MAP2: variants seen among roughly 807,000 people sequenced by gnomAD.
MAP2 encodes microtubule associated protein 2, also known as microtubule-associated protein 2.
Under a neutral mutation model 137.6 loss-of-function variants are expected in MAP2, and 14 were observed. That is an observed-to-expected ratio of 0.10 (90% CI 0.07 to 0.16). The LOEUF is 0.16. Ranked by LOEUF, MAP2 falls within the 10% of genes least tolerant of loss-of-function variation. MAP2 has a pLI of 1.00. For synonymous variants in MAP2, 786 were observed against 782.3 expected, an observed-to-expected ratio of 1.00 and a Z score of -0.08; for missense variants, 2,088 against 2,191.5, an observed-to-expected ratio of 0.95 and a Z score of 0.94.
At chr2:209,673,927 A>G (rs2050050790) in intron 5 of MAP2, among the ~76,000 whole-genome samples, 1 of 151,832 alleles carries the variant, frequency 6.6e-6, no homozygotes, top group Non-Finnish European at 1.5e-5. Context: ...TGTCTTCAGA[A>G]TTAGACAGGA....
chr2:209,727,908 AATAC>A (rs1315699038), intron 14 of MAP2, among the ~76,000 whole-genome samples: 1 of 152,130 alleles, frequency 6.6e-6, no homozygotes, highest in Non-Finnish European at 1.5e-5. Flanking sequence ...TTGGGTCAAT[AATAC>A]ATTATTATTT....
At chr2:209,520,315 A>G (rs1387991660) in intron 2 of MAP2, among the ~76,000 whole-genome samples, 1 of 152,090 alleles carries the variant, frequency 6.6e-6, no homozygotes, top group East Asian at 1.9e-4. Flanking sequence ...AGCTAAATCC[A>G]TATGCTCTAA....
intron 12 of MAP2, 61 bp downstream of exon 12, chr2:209,705,788 G>A: frequency 7.9e-7 from 1 of 1,264,774 alleles, no homozygotes; most frequent in Non-Finnish European, 1.1e-6. Flanking sequence ...AAGTGGAATA[G>A]CACTTATATT....
Position 209,484,592 on chromosome 2 carries a change from AG to A in MAP2, c.-221-22998del, listed in dbSNP as rs1292543202. Among the ~76,000 whole-genome samples, 10 of 152,280 alleles carry A rather than the reference AG, an allele frequency of 6.6e-5. 1 individual carries two copies. The South Asian group carries it at 2.1e-3, about 32-fold the overall frequency. The stretch of plus-strand genomic sequence containing the variant: ...GTATTCCCAGCTACTCGGGAGGCTG[AG>A]GCAGGAGAATCGCTTGAACCCGGGA... On this transcript the variant is annotated intron_variant, in intron 1 of 15. Transcript: ENST00000682079.
At chr2:209,470,295 G>T (rs961018659) in intron 1 of MAP2, among the ~76,000 whole-genome samples, 9 of 152,058 alleles carry the variant, frequency 5.9e-5, no homozygotes, top group Admixed American at 2.0e-4. Context: ...TGTTTTAAAA[G>T]TGGTTTTACA....
intron 11 of MAP2, among the ~76,000 whole-genome samples, chr2:209,704,893 TAACAA>T (rs2062913973): frequency 6.6e-6 from 1 of 150,866 alleles, no homozygotes; most frequent in Non-Finnish European, 1.5e-5. Flanking sequence ...AAATGCAAAC[TAACAA>T]AACAAAATAT....
chr2:209,527,436 A>G (rs1163485436), intron 2 of MAP2, among the ~76,000 whole-genome samples: 1 of 151,950 alleles, frequency 6.6e-6, no homozygotes, highest in Non-Finnish European at 1.5e-5. Flanking sequence ...TTTAGTCACT[A>G]TTTTCACGCA....
At chr2:209,502,049 A>T (rs1375055339) in intron 1 of MAP2, among the ~76,000 whole-genome samples, 1 of 152,170 alleles carries the variant, frequency 6.6e-6, no homozygotes, top group Non-Finnish European at 1.5e-5. Flanking sequence ...TGATTACTAG[A>T]GTGAAGCAAA....
chr2:209,514,296 G>A (rs2062150695), intron 2 of MAP2, among the ~76,000 whole-genome samples: 1 of 151,748 alleles, frequency 6.6e-6, no homozygotes, highest in Non-Finnish European at 1.5e-5. Flanking sequence ...AATAATTATT[G>A]CAGCTTCAAA....
At chr2:209,442,675 G>C (rs1222825296) in intron 1 of MAP2, among the ~76,000 whole-genome samples, 1 of 151,574 alleles carries the variant, frequency 6.6e-6, no homozygotes, top group Non-Finnish European at 1.5e-5. Flanking sequence ...AATCTTCCCT[G>C]AGAGTCAGGC....
chr2:209,468,960 A>G (rs1704927031), intron 1 of MAP2, among the ~76,000 whole-genome samples: 1 of 152,166 alleles, frequency 6.6e-6, no homozygotes, highest in Non-Finnish European at 1.5e-5. Flanking sequence ...AGCTTCCAGG[A>G]TAACATCCAA....
At chr2:209,531,737 CCT>C (rs1463073394) in intron 2 of MAP2, among the ~76,000 whole-genome samples, 1 of 152,022 alleles carries the variant, frequency 6.6e-6, no homozygotes, top group African/African-American at 2.4e-5. Flanking sequence ...ACAGGCAATT[CCT>C]CTTTCTATTT....
intron 13 of MAP2, chr2:209,723,694 A>G (rs776426987): frequency 5.0e-6 from 8 of 1,609,010 alleles, no homozygotes; most frequent in South Asian, 1.1e-5. Flanking sequence ...AAATGTAAGT[A>G]GAAGCGCCTT....
chr2:209,461,355 A>G (rs1449921642), intron 1 of MAP2, among the ~76,000 whole-genome samples: 1 of 152,254 alleles, frequency 6.6e-6, no homozygotes, highest in Non-Finnish European at 1.5e-5. Context: ...CAACCATGCC[A>G]GACAGTATGG....
intron 13 of MAP2, chr2:209,721,890 A>G (rs1191749302): frequency 6.6e-6 from 1 of 152,210 alleles, no homozygotes; most frequent in Admixed American, 6.5e-5. Flanking sequence ...AGAATCCTTT[A>G]AAGTATTATT....
intron 2 of MAP2, among the ~76,000 whole-genome samples, chr2:209,562,429 G>A: frequency 6.6e-6 from 1 of 151,920 alleles, no homozygotes. Flanking sequence ...AGGCACGCTG[G>A]CTTACGTCTG....
intron 1 of MAP2, among the ~76,000 whole-genome samples, chr2:209,425,068 G>C (rs1161385698): frequency 2.6e-5 from 4 of 151,970 alleles, no homozygotes; most frequent in Non-Finnish European, 5.9e-5. Context: ...AAGAGTGTGT[G>C]GGGGGCTAGG....
intron 1 of MAP2, among the ~76,000 whole-genome samples, chr2:209,498,898 G>A (rs2060061578): frequency 6.6e-6 from 1 of 152,160 alleles, no homozygotes; most frequent in Non-Finnish European, 1.5e-5. Context: ...TCTCTGAAAT[G>A]CCTTCAAGGC....
At chr2:209,583,691 G>A (rs1019448931) in intron 3 of MAP2, among the ~76,000 whole-genome samples, 8 of 151,874 alleles carry the variant, frequency 5.3e-5, no homozygotes, top group South Asian at 2.1e-4. Flanking sequence ...GAACATTTCC[G>A]GAGCTCAGTT....
Sources: allele counts gnomAD v4.1 joint callset (sites outside exome capture counted in the v4.1 genomes callset), GRCh38; gene constraint gnomAD v4.1.1; transcripts MANE v1.5; gene names NCBI Gene and HGNC (gene_info 2026-07-23, HGNC 2026-07-21).